POU2F3: variants seen among roughly 807,000 people sequenced by gnomAD.
POU2F3 encodes POU domain, class 2, transcription factor 3.
A neutral mutation model predicts 59.2 loss-of-function variants in POU2F3; 23 were observed. That is an observed-to-expected ratio of 0.39 (90% CI 0.28 to 0.55). The LOEUF (loss-of-function observed/expected upper bound fraction) is 0.55. POU2F3 is among the 20% of genes least tolerant of loss of function. The pLI, the probability that POU2F3 is intolerant of heterozygous loss-of-function variation, is 0.66. For missense variants in POU2F3, 473 were observed against 544.5 expected, an observed-to-expected ratio of 0.87 and a Z score of 1.31; for synonymous variants, 190 against 214.6, an observed-to-expected ratio of 0.89 and a Z score of 1.00.
intron 2 of POU2F3, chr11:120,256,830 G>C (rs2135157805): frequency 6.6e-6 from 1 of 152,314 alleles, no homozygotes; most frequent in Non-Finnish European, 1.5e-5. Context: ...TTCCCATAGA[G>C]TTTCTGCAGC....
intron 3 of POU2F3, among the ~76,000 whole-genome samples, chr11:120,284,233 G>A (rs943033071): frequency 6.6e-6 from 1 of 152,118 alleles, no homozygotes; most frequent in Non-Finnish European, 1.5e-5. Flanking sequence ...GGATTATTGG[G>A]CTGAACCTCT....
At chr11:120,315,223 T>C (rs1054301498) in intron 10 of POU2F3, 138 bp from the exon 11 acceptor site, 86 of 752,156 alleles carry the variant, frequency 1.1e-4, no homozygotes, top group Admixed American at 7.4e-5. Context: ...GAAAGGAGGA[T>C]GGCATGTAGG....
At chr11:120,297,655 C>T (rs1941226764) in intron 3 of POU2F3, among the ~76,000 whole-genome samples, 1 of 152,224 alleles carries the variant, frequency 6.6e-6, no homozygotes, top group Admixed American at 6.5e-5. Context: ...GTTTTTTACT[C>T]TGTGAGGTAA....
intron 6 of POU2F3, chr11:120,303,348 T>C (rs993231008): frequency 1.3e-5 from 2 of 152,212 alleles, no homozygotes; most frequent in African/African-American, 4.8e-5. Context: ...TCTCTTATCA[T>C]ATTTTGGCAT....
intron 9 of POU2F3, 93 bp from the exon 10 acceptor site, chr11:120,309,332 C>A: frequency 1.5e-6 from 2 of 1,292,908 alleles, no homozygotes; most frequent in Non-Finnish European, 2.2e-6. Flanking sequence ...AGCTTTTGAT[C>A]CATGTATAGT....
At chr11:120,273,173 G>A (rs1010794560) in intron 3 of POU2F3, among the ~76,000 whole-genome samples, 4 of 152,208 alleles carry the variant, frequency 2.6e-5, no homozygotes, top group African/African-American at 4.8e-5. Flanking sequence ...GTGAGCCAGC[G>A]AAAAGAATCA....
At chr11:120,306,037 C>T (rs1393523182) in intron 8 of POU2F3, among the ~76,000 whole-genome samples, 1 of 152,176 alleles carries the variant, frequency 6.6e-6, no homozygotes, top group African/African-American at 2.4e-5. Flanking sequence ...CATTCCATTC[C>T]TACCCCATCC....
intron 9 of POU2F3, among the ~76,000 whole-genome samples, chr11:120,307,964 A>T (rs1287396284): frequency 6.6e-6 from 1 of 152,174 alleles, no homozygotes; most frequent in African/African-American, 2.4e-5. Flanking sequence ...AGGGGATTGT[A>T]TGTAAGTTCT....
At chr11:120,237,698 G>A (rs1032145098), upstream of POU2F3, among the ~76,000 whole-genome samples, 1 of 152,180 alleles carries the variant, frequency 6.6e-6, no homozygotes, top group South Asian at 2.1e-4. Flanking sequence ...CAAGCACACA[G>A]GGGTATATAA....
intron 2 of POU2F3, chr11:120,254,896 G>A (rs1939273393): frequency 6.6e-6 from 1 of 152,234 alleles, no homozygotes; most frequent in African/African-American, 2.4e-5. Flanking sequence ...GGAGACTCAG[G>A]GAGGGCAGGC....
intron 3 of POU2F3, among the ~76,000 whole-genome samples, chr11:120,269,695 A>C (rs568384733): frequency 6.6e-6 from 1 of 152,308 alleles, no homozygotes; most frequent in Non-Finnish European, 1.5e-5. Flanking sequence ...AGATAGGCAG[A>C]AAGAGCTCAA....
At chr11:120,251,407 A>G (rs1332807518) in intron 2 of POU2F3, among the ~76,000 whole-genome samples, 3 of 152,228 alleles carry the variant, frequency 2.0e-5, no homozygotes, top group South Asian at 4.1e-4. Flanking sequence ...ATGGAGTACA[A>G]TTTTCACAGT....
intron 2 of POU2F3, among the ~76,000 whole-genome samples, chr11:120,268,732 C>A (rs1382256886): frequency 6.6e-6 from 1 of 152,224 alleles, no homozygotes; most frequent in Non-Finnish European, 1.5e-5. Context: ...AGAAAGACAG[C>A]TGTCTAGCTG....
intron 3 of POU2F3, among the ~76,000 whole-genome samples, chr11:120,289,772 A>T (rs1448305009): frequency 1.3e-5 from 2 of 152,086 alleles, no homozygotes; most frequent in African/African-American, 2.4e-5. Flanking sequence ...TTCTTCCGAG[A>T]GCCTTCTTCA....
intron 3 of POU2F3, among the ~76,000 whole-genome samples, chr11:120,278,329 C>G (rs973913399): frequency 6.6e-6 from 1 of 152,116 alleles, no homozygotes; most frequent in African/African-American, 2.4e-5. Flanking sequence ...GCAAACCACG[C>G]CTCCTAATTA....
At chr11:120,264,248 G>A (rs1295484684) in intron 2 of POU2F3, among the ~76,000 whole-genome samples, 1 of 150,562 alleles carries the variant, frequency 6.6e-6, no homozygotes, top group East Asian at 1.9e-4. Flanking sequence ...GCTGAGCATG[G>A]TGGCACATGC....
chr11:120,283,772 C>CGT (rs36099803), intron 3 of POU2F3, among the ~76,000 whole-genome samples: 21,213 of 130,076 alleles, frequency 0.16, 2,130 homozygotes, highest in East Asian at 0.49. Context: ...TAATAGGCTT[C>CGT]GTGTGTGTGT....
chr11:120,303,066 G>C (rs1941392879), intron 6 of POU2F3: 1 of 152,288 alleles, frequency 6.6e-6, no homozygotes, highest in African/African-American at 2.4e-5. Flanking sequence ...AGCTGCATGA[G>C]ATGGCTCTGC....
intron 2 of POU2F3, among the ~76,000 whole-genome samples, chr11:120,262,790 C>T (rs1469855140): frequency 2.6e-5 from 4 of 152,164 alleles, no homozygotes; most frequent in African/African-American, 9.7e-5. Context: ...AATTGAACTG[C>T]TTTAGCTGAC....
Sources: gnomAD v4.1 joint callset for allele counts (sites outside exome capture counted in the v4.1 genomes callset) on GRCh38, gnomAD v4.1.1 for gene constraint, MANE v1.5 for transcripts, NCBI Gene and HGNC (gene_info 2026-07-23, HGNC 2026-07-21) for gene names.